The following ZNF385D variants were observed in gnomAD, a reference collection of about 807,000 sequenced individuals.
ZNF385D encodes zinc finger protein 659.
Under a neutral mutation model 35.8 loss-of-function variants are expected in ZNF385D, and 15 were observed. That is an observed-to-expected ratio of 0.42 (90% CI 0.28 to 0.64). The LOEUF (loss-of-function observed/expected upper bound fraction) is 0.64. ZNF385D is among the 30% of genes least tolerant of loss of function. The probability of loss-of-function intolerance (pLI) is 0.23; values close to 1 mark genes in which losing one functional copy is unlikely to be tolerated. For missense variants in ZNF385D, 474 were observed against 494.6 expected (o/e 0.96, Z 0.39); for synonymous variants, 212 against 186.8 (o/e 1.13, Z -1.10).
chr3:22,190,684 G>T (rs551402551), intron 2 of ZNF385D, among the ~76,000 whole-genome samples: 34 of 152,212 alleles, frequency 2.2e-4, no homozygotes, highest in African/African-American at 8.2e-4. Flanking sequence ...TGTCCCCTAT[G>T]AATAACCTTA....
At chr3:21,770,137 G>C (rs997049007) in intron 3 of ZNF385D, among the ~76,000 whole-genome samples, 1 of 152,084 alleles carries the variant, frequency 6.6e-6, no homozygotes, top group East Asian at 1.9e-4. Flanking sequence ...ACAAACCCTA[G>C]AAGAAAACCT....
chr3:22,329,218 T>C (rs1694822707), intron 2 of ZNF385D, among the ~76,000 whole-genome samples: 1 of 152,188 alleles, frequency 6.6e-6, no homozygotes, highest in Non-Finnish European at 1.5e-5. Context: ...TTAGTGATGA[T>C]CTACAGATGG....
chr3:22,231,145 TAAAG>T (rs1373752862), intron 2 of ZNF385D, among the ~76,000 whole-genome samples: 5 of 151,840 alleles, frequency 3.3e-5, no homozygotes, highest in Non-Finnish European at 5.9e-5. Context: ...GTTCAAAAAA[TAAAG>T]AAAGAAATAG....
chr3:21,472,089 C>G (rs1035203215), intron 4 of ZNF385D, among the ~76,000 whole-genome samples: 1 of 152,084 alleles, frequency 6.6e-6, no homozygotes, highest in East Asian at 1.9e-4. Flanking sequence ...AATAAATTCT[C>G]AAACTCAACT....
chr3:22,088,992 A>G (rs1701183098), intron 3 of ZNF385D, among the ~76,000 whole-genome samples: 1 of 152,212 alleles, frequency 6.6e-6, no homozygotes, highest in South Asian at 2.1e-4. Flanking sequence ...AAGATTGTAA[A>G]TTGTAACATT....
intron 3 of ZNF385D, among the ~76,000 whole-genome samples, chr3:21,912,020 T>G (rs762015810): frequency 6.6e-6 from 1 of 151,972 alleles, no homozygotes; most frequent in Non-Finnish European, 1.5e-5. Flanking sequence ...TAAAATTATA[T>G]TTGAACTAAA....
At position 21,711,079 on chromosome 3, in the gene ZNF385D, T is replaced by G. The variant is rs577785778; in HGVS notation, c.22+39816A>C. Among the ~76,000 whole-genome samples, 8 of 134,822 alleles carry G rather than the reference T, an allele frequency of 5.9e-5. No homozygotes were observed. In the East Asian group the frequency reaches 1.8e-3, roughly 30 times the overall value. The allele number at this position is 134,822 out of a possible 152,430, so 88.4% of individuals were successfully genotyped here. On this transcript the variant is annotated intron_variant, in intron 1 of 7. Transcript: ENST00000281523. The stretch of plus-strand genomic sequence containing the variant: ...TTTTTTGAGATGGAGTCTTGCTCTG[T>G]CGCCTAGGATGGAGTGCAGTGGCGT...
At chr3:22,099,970 TCAAA>T (rs1701842129) in intron 3 of ZNF385D, among the ~76,000 whole-genome samples, 1 of 151,560 alleles carries the variant, frequency 6.6e-6, no homozygotes, top group Non-Finnish European at 1.5e-5. Context: ...TAAAATGAAC[TCAAA>T]CAAATTTACA....
At chr3:22,253,863 AT>A (rs1700182116) in intron 2 of ZNF385D, among the ~76,000 whole-genome samples, 1 of 151,972 alleles carries the variant, frequency 6.6e-6, no homozygotes, top group African/African-American at 2.4e-5. Context: ...CAAGAGAGGC[AT>A]TTCAAATCCA....
intron 3 of ZNF385D, among the ~76,000 whole-genome samples, chr3:21,941,184 T>G (rs1701498060): frequency 1.3e-5 from 2 of 152,146 alleles, no homozygotes; most frequent in Non-Finnish European, 2.9e-5. Context: ...AAACAAAATA[T>G]TTGGGTTCAA....
intron 3 of ZNF385D, among the ~76,000 whole-genome samples, chr3:21,774,495 G>T (rs1340874683): frequency 6.6e-6 from 1 of 151,872 alleles, no homozygotes; most frequent in African/African-American, 2.4e-5. Context: ...AAAAATGGAG[G>T]CCAATGGGAT....
At chr3:22,295,590 T>A (rs1409945673) in intron 2 of ZNF385D, among the ~76,000 whole-genome samples, 2 of 152,116 alleles carry the variant, frequency 1.3e-5, no homozygotes, top group African/African-American at 4.8e-5. Flanking sequence ...AAGTTTTTAA[T>A]AATGAGTGGG....
rs143425826 is a variant in ZNF385D at position 22,021,534 on chromosome 3, G to T, written c.325+147283C>A. 4.2e-3 allele frequency among the ~76,000 whole-genome samples: 632 copies of T among 152,198 alleles called. 5 individuals carry two copies. Among genetic ancestry groups the T allele is most frequent in the African/African-American group, 0.014 (586 of 41,556 alleles). ...TAACTATATTTATGCCTTTGAGTAA[G>T]TTGCTTTAATTCGCTCAGCCTCAGT... is the stretch of plus-strand genomic sequence containing the variant. On this transcript the variant is annotated intron_variant, in intron 3 of 5. Transcript: ENST00000494108.
intron 3 of ZNF385D, among the ~76,000 whole-genome samples, chr3:21,878,398 C>T (rs1421675277): frequency 1.3e-5 from 2 of 152,008 alleles, no homozygotes; most frequent in East Asian, 1.9e-4. Flanking sequence ...CTATCAGTTT[C>T]ATGAGTGCTA....
chr3:21,932,980 C>T (rs1251059402), intron 3 of ZNF385D, among the ~76,000 whole-genome samples: 1 of 152,142 alleles, frequency 6.6e-6, no homozygotes, highest in East Asian at 1.9e-4. Flanking sequence ...GTATGGCTTT[C>T]TCCAAACCTG....
chr3:22,012,211 C>T (rs773510121), intron 3 of ZNF385D, among the ~76,000 whole-genome samples: 1 of 152,084 alleles, frequency 6.6e-6, no homozygotes. Flanking sequence ...ATATGACACA[C>T]CTCTTCATTG....
At chr3:22,367,267 A>G (rs1358947332) in intron 2 of ZNF385D, among the ~76,000 whole-genome samples, 4 of 152,178 alleles carry the variant, frequency 2.6e-5, no homozygotes, top group Admixed American at 2.6e-4. Flanking sequence ...TGAGGTAAAG[A>G]GAGGTGCAAT....
At chr3:22,113,909 G>A (rs1702672000) in intron 3 of ZNF385D, among the ~76,000 whole-genome samples, 1 of 151,976 alleles carries the variant, frequency 6.6e-6, no homozygotes, top group African/African-American at 2.4e-5. Context: ...AGATAGAAAG[G>A]TCTAAATAAA....
chr3:21,735,088 C>T (rs1290023276), intron 1 of ZNF385D, among the ~76,000 whole-genome samples: 1 of 152,110 alleles, frequency 6.6e-6, no homozygotes, highest in Non-Finnish European at 1.5e-5. Flanking sequence ...CTGCCGAGTG[C>T]AGAGATCTAC....
Sources: allele counts gnomAD v4.1 joint callset (sites outside exome capture counted in the v4.1 genomes callset), GRCh38; gene constraint gnomAD v4.1.1; transcripts MANE v1.5; gene names NCBI Gene and HGNC (gene_info 2026-07-23, HGNC 2026-07-21).